The following SIPA1L1 variants were observed in gnomAD, a reference collection of about 807,000 sequenced individuals.
SIPA1L1 encodes signal-induced proliferation-associated 1-like protein 1.
Under a neutral mutation model 162.7 loss-of-function variants are expected in SIPA1L1, and 26 were observed. The observed-to-expected ratio is 0.16, with a 90% CI of 0.12 to 0.22. The LOEUF is 0.22. SIPA1L1 is among the 10% of genes least tolerant of loss of function. The pLI, the probability that SIPA1L1 is intolerant of heterozygous loss-of-function variation, is 1.00. For synonymous variants in SIPA1L1, 829 were observed against 837.4 expected (o/e 0.99, Z 0.17); for missense variants, 1,874 against 2,241.0 (o/e 0.84, Z 3.31).
intron 2 of SIPA1L1, among the ~76,000 whole-genome samples, chr14:71,367,560 G>A (rs2038444422): frequency 1.3e-5 from 2 of 148,838 alleles, no homozygotes; most frequent in South Asian, 4.2e-4. Context: ...TGCCCGCCTC[G>A]GCCTCCCAAA....
chr14:71,626,432 ACT>A (rs1391704164), intron 7 of SIPA1L1, among the ~76,000 whole-genome samples: 3 of 152,170 alleles, frequency 2.0e-5, no homozygotes, highest in African/African-American at 7.2e-5. Context: ...CCTGGATTGT[ACT>A]GAGATAAAGC....
rs573528721 is a variant in SIPA1L1 at position 71,409,152 on chromosome 14, T to A, written c.-465+87971T>A. Among the ~76,000 whole-genome samples the A allele has an allele frequency of 1.1e-4, 16 of 152,312 alleles. No homozygotes were observed. The South Asian group carries it at 3.1e-3, about 30-fold the overall frequency. On this transcript the variant is annotated intron_variant, in intron 2 of 23. Transcript: ENST00000381232. ...ATATCTGTAAGTAATATATTCTTAG[T>A]TTTGCCCATTTGGGCTCTGTAAAAA...
chr14:71,685,332 G>T (rs2046195577), intron 12 of SIPA1L1, 30 bp from the exon 13 acceptor site: 2 of 1,609,488 alleles, frequency 1.2e-6, no homozygotes, highest in East Asian at 4.5e-5. Context: ...AGTATCCATT[G>T]TGTTTCTCCC....
chr14:71,670,997 T>C, intron 10 of SIPA1L1, 122 bp from the exon 11 acceptor site: 1 of 766,490 alleles, frequency 1.3e-6, no homozygotes, highest in Non-Finnish European at 2.2e-6. Context: ...TTGTTTCTCA[T>C]GGAAAAATAA....
At position 71,702,462 on chromosome 14, in the gene SIPA1L1, G is replaced by A. The variant is rs758859086; in HGVS notation, c.3603G>A (p.Thr1201=). The A allele has an allele frequency of 1.1e-5, 17 of 1,614,126 alleles. 1 individual carries two copies. The highest frequency in any genetic ancestry group is 5.5e-5 in the South Asian group (5 of 91,078). The change falls in exon 15 of 24, where the codon ACG becomes ACA. Residue 1201 remains threonine, a synonymous_variant. Coordinates refer to ENST00000381232, the MANE Select transcript of SIPA1L1 (RefSeq NM_001386936.1). ...ATATTGGTGGCAGCGGAAAATCCAC[G>A]CCTAGCTGGCAAAGAAGTGAGGATA... ...QSDIGGSGKS[T]PSWQRSEDSI... is the part of the protein sequence containing the mutation.
intron 3 of SIPA1L1, among the ~76,000 whole-genome samples, chr14:71,526,673 CA>C (rs1177337347): frequency 1.3e-5 from 2 of 151,920 alleles, no homozygotes; most frequent in Admixed American, 1.3e-4. Context: ...GTGACAGGGA[CA>C]GAGATTTTAT....
intron 3 of SIPA1L1, among the ~76,000 whole-genome samples, chr14:71,514,959 T>C (rs1194449134): frequency 6.6e-6 from 1 of 152,228 alleles, no homozygotes; most frequent in Non-Finnish European, 1.5e-5. Context: ...AAAACATTTC[T>C]GTTCTTAGTG....
intron 2 of SIPA1L1, among the ~76,000 whole-genome samples, chr14:71,328,032 T>A (rs1474290179): frequency 6.6e-6 from 1 of 152,210 alleles, no homozygotes; most frequent in African/African-American, 2.4e-5. Context: ...CCTGTGATTC[T>A]TCAAAGAGTC....
chr14:71,518,906 A>G (rs553972615), intron 3 of SIPA1L1, among the ~76,000 whole-genome samples: 8 of 152,306 alleles, frequency 5.3e-5, no homozygotes, highest in South Asian at 2.1e-4. Context: ...CACTTCTTAC[A>G]TGGCGGCGGC....
chr14:71,364,703 C>T (rs953327025), intron 2 of SIPA1L1, among the ~76,000 whole-genome samples: 1 of 152,088 alleles, frequency 6.6e-6, no homozygotes, highest in South Asian at 2.1e-4. Context: ...TTGCTGAGAA[C>T]CTCTGGCCTA....
intron 2 of SIPA1L1, among the ~76,000 whole-genome samples, chr14:71,372,729 A>G (rs1486344261): frequency 6.6e-6 from 1 of 152,126 alleles, no homozygotes; most frequent in Admixed American, 6.5e-5. Context: ...ATAGCCATAA[A>G]CACTTACTTT....
intron 2 of SIPA1L1, among the ~76,000 whole-genome samples, chr14:71,468,867 C>T (rs1436291889): frequency 3.9e-5 from 6 of 152,194 alleles, no homozygotes; most frequent in African/African-American, 9.6e-5. Flanking sequence ...ATGATGAAAA[C>T]GAGCTTGTTA....
chr14:71,329,933 A>C (rs1162708457), intron 2 of SIPA1L1, among the ~76,000 whole-genome samples: 1 of 152,210 alleles, frequency 6.6e-6, no homozygotes, highest in Non-Finnish European at 1.5e-5. Flanking sequence ...TGGAGTCTCC[A>C]AAGTGTATGC....
intron 4 of SIPA1L1, among the ~76,000 whole-genome samples, chr14:71,531,588 A>G (rs1332729867): frequency 1.3e-5 from 2 of 152,018 alleles, no homozygotes; most frequent in African/African-American, 4.8e-5. Context: ...TTTTTAAGAC[A>G]GGGTCTCACT....
At chr14:71,543,832 TATATC>T (rs780704918) in intron 4 of SIPA1L1, among the ~76,000 whole-genome samples, 38 of 146,780 alleles carry the variant, frequency 2.6e-4, no homozygotes, top group African/African-American at 5.3e-4. Context: ...TATATATACA[TATATC>T]ATATGTATGT....
chr14:71,470,477 G>T (rs1427278782), intron 2 of SIPA1L1, among the ~76,000 whole-genome samples: 1 of 152,130 alleles, frequency 6.6e-6, no homozygotes, highest in African/African-American at 2.4e-5. Flanking sequence ...TTTCTTACAA[G>T]CCCCCAGTGA....
At chr14:71,367,529 C>T (rs559969267) in intron 2 of SIPA1L1, among the ~76,000 whole-genome samples, 2 of 151,030 alleles carry the variant, frequency 1.3e-5, no homozygotes, top group East Asian at 1.9e-4. Flanking sequence ...AGGATGGTCT[C>T]GATCTCCTGA....
At chr14:71,477,472 A>G (rs2047969430) in intron 2 of SIPA1L1, among the ~76,000 whole-genome samples, 1 of 152,202 alleles carries the variant, frequency 6.6e-6, no homozygotes, top group Non-Finnish European at 1.5e-5. Flanking sequence ...ATGTGGAAGT[A>G]TAGAGCAGAC....
intron 2 of SIPA1L1, chr14:71,467,211 A>G (rs2047070034): frequency 6.6e-6 from 1 of 152,194 alleles, no homozygotes; most frequent in African/African-American, 2.4e-5. Flanking sequence ...GCACCGTTGG[A>G]TTCTTTGTCG....
Sources: gnomAD v4.1 joint callset for allele counts (sites outside exome capture counted in the v4.1 genomes callset) on GRCh38, gnomAD v4.1.1 for gene constraint, MANE v1.5 for transcripts, NCBI Gene and HGNC (gene_info 2026-07-23, HGNC 2026-07-21) for gene names.